Variants in ROR2 observed in about 807,000 individuals in gnomAD.
The protein encoded by ROR2 is tyrosine-protein kinase transmembrane receptor ROR2.
In ROR2, 33 loss-of-function variants were observed where a neutral mutation model predicts 74.9. That is an observed-to-expected ratio of 0.44 (90% CI 0.33 to 0.59). The LOEUF (loss-of-function observed/expected upper bound fraction) is 0.59, where lower values mean the gene tolerates loss of function less well. Among genes scored for constraint, ROR2 ranks in the 20% least tolerant of loss-of-function variants. ROR2 has a pLI of 0.02. For missense variants in ROR2, 1,216 were observed against 1,313.8 expected, an observed-to-expected ratio of 0.93 and a Z score of 1.15; for synonymous variants, 586 against 558.7, an observed-to-expected ratio of 1.05 and a Z score of -0.69.
Position 91,848,012 on chromosome 9 carries a change from T to G in ROR2, c.98-72194A>C, listed in dbSNP as rs139074159. Among the ~76,000 whole-genome samples the G allele has an allele frequency of 8.1e-4, 123 of 152,262 alleles. No individual in the cohort carries two copies. In the Middle Eastern group the frequency reaches 0.014, roughly 17 times the overall value. On this transcript the variant is annotated intron_variant, in intron 1 of 8. Transcript: ENST00000375708. Reference sequence around the variant, plus strand: ...AAAGTTATTTATATTGTGGAATCTTTCAGAGCAAGCAGAAACTTGAAGAGC... The same window carrying G: ...AAAGTTATTTATATTGTGGAATCTTGCAGAGCAAGCAGAAACTTGAAGAGC...
At chr9:91,816,685 A>AC (rs1827949461) in intron 1 of ROR2, among the ~76,000 whole-genome samples, 1 of 131,298 alleles carries the variant, frequency 7.6e-6, no homozygotes. Context: ...GTCCTTGTTT[A>AC]CCACCCCCCC....
chr9:91,950,001 CG>C lies in ROR2; in HGVS notation c.-39del. The C allele has an allele frequency of 8.7e-7, 1 of 1,147,436 alleles. No individual in the cohort carries two copies. The highest frequency in any genetic ancestry group is 1.1e-6 in the Non-Finnish European group (1 of 874,472). 71.1% of individuals were successfully genotyped at this position (1,147,436 alleles called of 1,614,324 possible). A position where few individuals can be genotyped will look rare whatever the true frequency, so the allele number is the denominator to read the frequency against. On this transcript the variant is annotated 5_prime_UTR_variant, in exon 1 of 9. Coordinates refer to ENST00000375708, the MANE Select transcript of ROR2 (RefSeq NM_004560.4). The stretch of plus-strand genomic sequence containing the variant: ...GGGGGCCGGGAAGCCCTCAGAGCTT[CG>C]GGCCGGGGCGCGGGGTCGGGCGCCA...
intron 1 of ROR2, among the ~76,000 whole-genome samples, chr9:91,826,668 C>CA (rs1175622922): frequency 6.6e-6 from 1 of 151,862 alleles, no homozygotes; most frequent in Non-Finnish European, 1.5e-5. Context: ...CCTGTAGTCC[C>CA]AGCTACTCGG....
At chr9:91,828,948 C>T (rs1466243102) in intron 1 of ROR2, among the ~76,000 whole-genome samples, 2 of 152,140 alleles carry the variant, frequency 1.3e-5, no homozygotes, top group African/African-American at 2.4e-5. Flanking sequence ...TTATAAAAAG[C>T]TAAGTGGGAG....
At chr9:91,854,382 G>C (rs1477567436) in intron 1 of ROR2, among the ~76,000 whole-genome samples, 2 of 152,200 alleles carry the variant, frequency 1.3e-5, no homozygotes, top group African/African-American at 2.4e-5. Context: ...ACTACATAAC[G>C]ACCAAGACTT....
intron 1 of ROR2, among the ~76,000 whole-genome samples, chr9:91,937,939 A>T (rs749399671): frequency 7.9e-5 from 12 of 152,112 alleles, no homozygotes; most frequent in Non-Finnish European, 1.6e-4. Flanking sequence ...GCTGGTCTCC[A>T]ACTCCTGACT....
At chr9:91,867,890 C>CT (rs1156996940) in intron 1 of ROR2, among the ~76,000 whole-genome samples, 1 of 152,174 alleles carries the variant, frequency 6.6e-6, no homozygotes, top group Non-Finnish European at 1.5e-5. Flanking sequence ...CCCAAACAGA[C>CT]TGACTGCCCG....
chr9:91,885,324 G>A (rs1161294041), intron 1 of ROR2, among the ~76,000 whole-genome samples: 4 of 152,162 alleles, frequency 2.6e-5, no homozygotes, highest in African/African-American at 7.2e-5. Flanking sequence ...GGGGCGGTAG[G>A]GCAGGGTGTG....
chr9:91,909,846 TG>T lies in ROR2; in HGVS notation c.97+40020del, dbSNP rs1427426458. On this transcript the variant is annotated intron_variant, in intron 1 of 8. Coordinates refer to ENST00000375708, the MANE Select transcript of ROR2 (RefSeq NM_004560.4). ...TTCTTTTTTTTTTTTAGGTTTGTTT[TG>T]TTTTTTTTTTTTTTTTTTTTTTTTA... 6.6e-3 allele frequency among the ~76,000 whole-genome samples: 575 copies of T among 86,734 alleles called. 12 individuals carry two copies. The highest frequency in any genetic ancestry group is 0.017 in the African/African-American group (313 of 18,526). 56.9% of individuals were successfully genotyped at this position (86,734 alleles called of 152,430 possible).
At chr9:91,739,513 TAAAAAAAA>T (rs71362359) in intron 4 of ROR2, among the ~76,000 whole-genome samples, 3 of 105,604 alleles carry the variant, frequency 2.8e-5, no homozygotes, top group South Asian at 3.4e-4. Context: ...TCTTTAAATT[TAAAAAAAA>T]AAAAAAAAAA....
At chr9:91,948,783 G>T in intron 1 of ROR2, 1 of 985,442 alleles carries the variant, frequency 1.0e-6, no homozygotes, top group East Asian at 1.1e-4. Flanking sequence ...CACACATTCC[G>T]GGGGCTTCAG....
chr9:91,794,546 C>T (rs1827107941), intron 1 of ROR2, among the ~76,000 whole-genome samples: 1 of 152,142 alleles, frequency 6.6e-6, no homozygotes, highest in African/African-American at 2.4e-5. Context: ...CAGTGAGCTG[C>T]TGTCTTAAGT....
In ROR2 at chr9:91,724,904, C is replaced by A; in HGVS notation, c.1590G>T (p.Arg530=). 6.2e-7 allele frequency: 1 copy of A among 1,607,674 alleles called. No individual in the cohort carries two copies. The highest frequency in any genetic ancestry group is 1.1e-5 in the South Asian group (1 of 90,726). ...EFRHEAMLRA[R]LQHPNVVCLL... ...GGCAGACGACGTTGGGGTGTTGCAGCCGTGCTCGCAGCATAGCCTCATGCC... is the reference window on the plus strand; with the variant it reads ...GGCAGACGACGTTGGGGTGTTGCAGACGTGCTCGCAGCATAGCCTCATGCC... Residue 530 remains arginine (R), a synonymous_variant, in exon 9 of 9, where the codon CGG becomes CGT. Transcript: ENST00000375708.
chr9:91,756,802 A>G (rs1378612973), intron 3 of ROR2, among the ~76,000 whole-genome samples: 4 of 142,474 alleles, frequency 2.8e-5, no homozygotes, highest in South Asian at 2.2e-4. Context: ...CCATGCTGGA[A>G]TGCAATGGCG....
chr9:91,783,024 G>T (rs1288558225), intron 1 of ROR2, among the ~76,000 whole-genome samples: 1 of 152,194 alleles, frequency 6.6e-6, no homozygotes, highest in African/African-American at 2.4e-5. Context: ...AGTAGGGCAG[G>T]TTCCTTCTGC....
intron 1 of ROR2, among the ~76,000 whole-genome samples, chr9:91,945,399 G>A (rs1378572896): frequency 2.0e-5 from 3 of 152,180 alleles, no homozygotes; most frequent in Non-Finnish European, 2.9e-5. Context: ...TAGGCTAGGA[G>A]TATTTGGGAT....
intron 1 of ROR2, among the ~76,000 whole-genome samples, chr9:91,911,053 A>C (rs956412060): frequency 6.6e-6 from 1 of 152,254 alleles, no homozygotes; most frequent in African/African-American, 2.4e-5. Flanking sequence ...ATTCACTACA[A>C]ATGATGCTTC....
chr9:91,797,770 A>G (rs1279791805), intron 1 of ROR2, among the ~76,000 whole-genome samples: 14 of 19,634 alleles, frequency 7.1e-4, no homozygotes, highest in Non-Finnish European at 9.5e-4. Context: ...GGATCTGTGG[A>G]TAGGGCTGAC....
At chr9:91,897,824 T>C (rs1159497992) in intron 1 of ROR2, among the ~76,000 whole-genome samples, 2 of 152,184 alleles carry the variant, frequency 1.3e-5, no homozygotes, top group African/African-American at 4.8e-5. Context: ...CACCAAGACT[T>C]CCCTCCCTGA....
Sources: gnomAD v4.1 joint callset for allele counts (sites outside exome capture counted in the v4.1 genomes callset) on GRCh38, gnomAD v4.1.1 for gene constraint, MANE v1.5 for transcripts, NCBI Gene and HGNC (gene_info 2026-07-23, HGNC 2026-07-21) for gene names.